FHIP2A: variants seen among roughly 807,000 people sequenced by gnomAD.
The protein encoded by FHIP2A is family with sequence similarity 160 member B1.
Under a neutral mutation model 93.5 loss-of-function variants are expected in FHIP2A, and 46 were observed. The ratio of observed to expected loss-of-function variants is 0.49; its 90% CI spans 0.39 to 0.63. The LOEUF (loss-of-function observed/expected upper bound fraction) is 0.63, where lower values mean the gene tolerates loss of function less well. FHIP2A is among the 20% of genes least tolerant of loss of function. The pLI, the probability that FHIP2A is intolerant of heterozygous loss-of-function variation, is 0.00. For synonymous variants in FHIP2A, 332 were observed against 326.5 expected (o/e 1.02, Z -0.18); for missense variants, 769 against 909.7 (o/e 0.85, Z 1.99).
At chr10:114,866,070 A>G (rs981685286), downstream of FHIP2A, among the ~76,000 whole-genome samples, 19 of 152,170 alleles carry the variant, frequency 1.2e-4, no homozygotes, top group African/African-American at 4.1e-4. Context: ...CTATCAACCC[A>G]TCACCCAGGT....
At chr10:114,879,024 CTAT>C (rs1385621556) in intron 16 of FHIP2A, among the ~76,000 whole-genome samples, 4 of 152,050 alleles carry the variant, frequency 2.6e-5, no homozygotes, top group African/African-American at 9.7e-5. Context: ...TACAGAACAG[CTAT>C]TATTATGTGC....
chr10:114,840,884 G>A (rs924191706), intron 5 of FHIP2A, among the ~76,000 whole-genome samples: 4 of 152,156 alleles, frequency 2.6e-5, no homozygotes, highest in African/African-American at 9.7e-5. Context: ...ATTTGGGAGG[G>A]AAGTTTAAGT....
chr10:114,837,592 ACT>A (rs2083643459), intron 5 of FHIP2A, among the ~76,000 whole-genome samples: 1 of 151,954 alleles, frequency 6.6e-6, no homozygotes, highest in Non-Finnish European at 1.5e-5. Context: ...AATAGAATTC[ACT>A]CGTTTCAGTC....
chr10:114,862,538 T>C lies in FHIP2A; in HGVS notation c.*998T>C. ...ATTTTGTTCAGTCTTTTGTTTTAAA[T>C]GATTCTAAAGAGATTAAAGAAAACA... is the stretch of plus-strand genomic sequence containing the variant. On this transcript the variant is annotated 3_prime_UTR_variant, in exon 17 of 17. Transcript: ENST00000369248. 1 of 987,540 alleles carries C rather than the reference T, an allele frequency of 1.0e-6. No homozygotes were observed. Among genetic ancestry groups the C allele is most frequent in the Non-Finnish European group, 1.2e-6 (1 of 830,022 alleles). The allele number at this position is 987,540 out of a possible 1,614,324, so 61.2% of individuals were successfully genotyped here. A position where few individuals can be genotyped will look rare whatever the true frequency, so the allele number is the denominator to read the frequency against.
chr10:114,875,865 GAAAGAGAA>G (rs1306465925), intron 16 of FHIP2A, among the ~76,000 whole-genome samples: 1 of 124,458 alleles, frequency 8.0e-6, no homozygotes, highest in Admixed American at 7.9e-5. Flanking sequence ...AAGAAAGAAA[GAAAGAGAA>G]AGAAAGAAAA....
chr10:114,863,803 G>T lies in FHIP2A; in HGVS notation c.*2263G>T. ...CAGTAACTAAAATGCACTATGCTGA[G>T]TGGAAAGCACCGTCATAACAATTGA... On this transcript the variant is annotated 3_prime_UTR_variant, in exon 17 of 17. Transcript: ENST00000369248. 1 of 1,131,880 alleles carries T rather than the reference G, an allele frequency of 8.8e-7. No individual in the cohort carries two copies. 70.1% of individuals were successfully genotyped at this position (1,131,880 alleles called of 1,614,324 possible).
At chr10:114,877,048 G>A (rs989643809) in intron 16 of FHIP2A, among the ~76,000 whole-genome samples, 1 of 152,156 alleles carries the variant, frequency 6.6e-6, no homozygotes, top group African/African-American at 2.4e-5. Flanking sequence ...TTAAGAACAC[G>A]TCTGAAGTTT....
rs774220347 is a variant in FHIP2A, at chr10:114,861,644, G to A, written c.*104G>A. The stretch of plus-strand genomic sequence containing the variant: ...AAGAGGATAAAAAGCCTTTTTAAAC[G>A]CAGTATTGCTGTAAACTGGACAGAA... On this transcript the variant is annotated 3_prime_UTR_variant, in exon 17 of 17. Transcript: ENST00000369248. 1.4e-4 allele frequency: 211 copies of A among 1,482,056 alleles called. No homozygotes were observed. The highest frequency in any genetic ancestry group is 1.8e-4 in the Non-Finnish European group (199 of 1,122,840). The allele number at this position is 1,482,056 out of a possible 1,614,324, so 91.8% of individuals were successfully genotyped here.
At chr10:114,891,074 G>T (rs2143016153) in intron 16 of FHIP2A, among the ~76,000 whole-genome samples, 1 of 151,600 alleles carries the variant, frequency 6.6e-6, no homozygotes, top group East Asian at 1.9e-4. Context: ...CCACTTGAAG[G>T]CCCCAGCTAC....
chr10:114,868,069 A>G (rs1445659998), downstream of FHIP2A, among the ~76,000 whole-genome samples: 1 of 151,890 alleles, frequency 6.6e-6, no homozygotes, highest in Non-Finnish European at 1.5e-5. Context: ...TTGGGATTAC[A>G]GGCAGGTGCC....
At position 114,862,031 on chromosome 10, in the gene FHIP2A, G is replaced by GA; in HGVS notation, c.*498dup. 1 of 967,914 alleles carries GA rather than the reference G, an allele frequency of 1.0e-6. No homozygotes were observed. 60.0% of individuals were successfully genotyped at this position (967,914 alleles called of 1,614,324 possible). A position where few individuals can be genotyped will look rare whatever the true frequency, so the allele number is the denominator to read the frequency against. On this transcript the variant is annotated 3_prime_UTR_variant, in exon 17 of 17. Coordinates refer to ENST00000369248, the MANE Select transcript of FHIP2A (RefSeq NM_020940.4). ...AACAAAATATGAAAACTGTAAATGA[G>GA]AAAAAAATACAATTCAGAAACCATT...
chr10:114,882,206 C>T (rs2083920530), intron 16 of FHIP2A, among the ~76,000 whole-genome samples: 1 of 152,180 alleles, frequency 6.6e-6, no homozygotes, highest in Non-Finnish European at 1.5e-5. Context: ...GCTGGGGGAG[C>T]TTCAGCAGCC....
Position 114,833,330 on chromosome 10 carries a change from G to C in FHIP2A, c.222G>C (p.Glu74Asp). 6.2e-7 allele frequency: 1 copy of C among 1,614,008 alleles called. No individual in the cohort carries two copies. Among genetic ancestry groups the C allele is most frequent in the Non-Finnish European group, 8.5e-7 (1 of 1,179,906 alleles). ...AAGAAAATGAACGGGAATCTGGAGA[G>C]ACAGGGCCATGTATGGAATATTTGC... The part of the protein sequence containing the change: ...VQEENERESG[E>D]TGPCMEYLLH... The change falls in exon 3 of 17, where the codon GAG (glutamate) becomes GAC (aspartate). Residue 74 changes from glutamate (E) to aspartate (D), a missense_variant. Transcript: ENST00000369248.
chr10:114,848,433 A>G (rs2083714861), intron 12 of FHIP2A, among the ~76,000 whole-genome samples: 1 of 152,148 alleles, frequency 6.6e-6, no homozygotes, highest in Non-Finnish European at 1.5e-5. Flanking sequence ...GAATTGTAAA[A>G]CTTATCAGGA....
At chr10:114,842,223 G>A (rs920193190) in intron 5 of FHIP2A, among the ~76,000 whole-genome samples, 2 of 151,916 alleles carry the variant, frequency 1.3e-5, no homozygotes, top group African/African-American at 4.8e-5. Context: ...ACCACACCCA[G>A]CTTATTTTAT....
Position 114,864,649 on chromosome 10 carries a change from T to A in FHIP2A, c.*3109T>A, listed in dbSNP as rs966712375. ...AGGAAGTTGTGATCAAGTTCAACTTTTTGTGCTAACAATGCATGCAGGACT... is the reference window on the plus strand; with the variant it reads ...AGGAAGTTGTGATCAAGTTCAACTTATTGTGCTAACAATGCATGCAGGACT... On this transcript the variant is annotated 3_prime_UTR_variant, in exon 17 of 17. Transcript: ENST00000369248. The A allele has an allele frequency of 1.0e-6, 1 of 985,576 alleles. No individual in the cohort carries two copies. The highest frequency in any genetic ancestry group is 1.7e-5 in the African/African-American group (1 of 57,238). 61.1% of individuals were successfully genotyped at this position (985,576 alleles called of 1,614,324 possible). A position where few individuals can be genotyped will look rare whatever the true frequency, so the allele number is the denominator to read the frequency against.
At chr10:114,827,424 A>G (rs570165297) in intron 1 of FHIP2A, among the ~76,000 whole-genome samples, 5 of 152,338 alleles carry the variant, frequency 3.3e-5, no homozygotes, top group Non-Finnish European at 2.9e-5. Context: ...AGAGCTGACA[A>G]TCTAGTGGAA....
chr10:114,863,728 T>A lies in FHIP2A; in HGVS notation c.*2188T>A. 1 of 1,292,864 alleles carries A rather than the reference T, an allele frequency of 7.7e-7. No homozygotes were observed. The highest frequency in any genetic ancestry group is 1.5e-5 in the African/African-American group (1 of 65,350). 80.1% of individuals were successfully genotyped at this position (1,292,864 alleles called of 1,614,324 possible). A position where few individuals can be genotyped will look rare whatever the true frequency, so the allele number is the denominator to read the frequency against. ...CATTGTACTGCATCACCAGTTTTTC[T>A]TACCTTCTGTTGACAGCTGAATATT... On this transcript the variant is annotated 3_prime_UTR_variant, in exon 17 of 17. Transcript: ENST00000369248.
Position 114,864,218 on chromosome 10 carries a change from C to G in FHIP2A, c.*2678C>G, listed in dbSNP as rs1253885703. ...TTACAGGGCACAAATTATGGAATTA[C>G]TTCATAAATTCATGGTAATGTTTTC... On this transcript the variant is annotated 3_prime_UTR_variant, in exon 17 of 17. Coordinates refer to ENST00000369248, the MANE Select transcript of FHIP2A (RefSeq NM_020940.4). 1 of 983,928 alleles carries G rather than the reference C, an allele frequency of 1.0e-6. No individual in the cohort carries two copies. Among genetic ancestry groups the G allele is most frequent in the African/African-American group, 1.7e-5 (1 of 57,188 alleles). The allele number at this position is 983,928 out of a possible 1,614,324, so 60.9% of individuals were successfully genotyped here. A position where few individuals can be genotyped will look rare whatever the true frequency, so the allele number is the denominator to read the frequency against.
Sources: allele counts gnomAD v4.1 joint callset (sites outside exome capture counted in the v4.1 genomes callset), GRCh38; gene constraint gnomAD v4.1.1; transcripts MANE v1.5; gene names NCBI Gene and HGNC (gene_info 2026-07-23, HGNC 2026-07-21).